The following RALGPS1 variants were observed in gnomAD, a reference collection of about 807,000 sequenced individuals.
The protein encoded by RALGPS1 is Ral GEF with PH domain and SH3 binding motif 1, also known as ras-specific guanine nucleotide-releasing factor RalGPS1.
In RALGPS1, 19 loss-of-function variants were observed where a neutral mutation model predicts 78.8. The ratio of observed to expected loss-of-function variants is 0.24; its 90% CI spans 0.17 to 0.35. The LOEUF (loss-of-function observed/expected upper bound fraction) is 0.35, where lower values mean the gene tolerates loss of function less well. Among genes scored for constraint, RALGPS1 ranks in the 10% least tolerant of loss-of-function variants. RALGPS1 has a pLI of 1.00. For synonymous variants in RALGPS1, 228 were observed against 256.3 expected (o/e 0.89, Z 1.06); for missense variants, 454 against 688.3 (o/e 0.66, Z 3.81).
Position 127,216,854 on chromosome 9 carries a change from AG to A in RALGPS1, c.1645-1883del, listed in dbSNP as rs370347106. ...TGTCTGGGGTCCCTCAGTAGCTCTG[AG>A]GGCCGCTCTCTTAAGAGCATAGCAC... On this transcript the variant is annotated intron_variant, in intron 18 of 18. Transcript: ENST00000259351. The A allele has an allele frequency of 4.0e-4, 582 of 1,441,924 alleles. 1 individual carries two copies. In the African/African-American group the frequency reaches 5.0e-3, roughly 12 times the overall value. 89.3% of individuals were successfully genotyped at this position (1,441,924 alleles called of 1,614,324 possible). A position where few individuals can be genotyped will look rare whatever the true frequency, so the allele number is the denominator to read the frequency against.
chr9:127,049,971 GA>G, intron 5 of RALGPS1, 71 bp from the exon 6 acceptor site: 2 of 1,100,598 alleles, frequency 1.8e-6, no homozygotes, highest in Non-Finnish European at 2.8e-6. Context: ...GGGCAAGGGG[GA>G]CACGGGTGGT....
intron 8 of RALGPS1, among the ~76,000 whole-genome samples, chr9:127,089,592 C>G (rs1264921238): frequency 6.6e-6 from 1 of 152,122 alleles, no homozygotes; most frequent in East Asian, 1.9e-4. Flanking sequence ...TGAGTTGAAA[C>G]TGTTGGATCA....
chr9:127,190,331 G>C (rs1234105356), intron 11 of RALGPS1, among the ~76,000 whole-genome samples: 2 of 152,098 alleles, frequency 1.3e-5, no homozygotes, highest in Non-Finnish European at 2.9e-5. Context: ...TTGTTTGTTT[G>C]TTTGTTTGTT....
intron 4 of RALGPS1, among the ~76,000 whole-genome samples, chr9:127,033,131 G>A (rs1293304355): frequency 1.3e-5 from 2 of 152,198 alleles, no homozygotes; most frequent in Non-Finnish European, 2.9e-5. Flanking sequence ...AGTTGTGAGG[G>A]TGTGAAGGAC....
chr9:127,158,492 C>A (rs750611327), intron 8 of RALGPS1, among the ~76,000 whole-genome samples: 8 of 152,114 alleles, frequency 5.3e-5, no homozygotes, highest in Non-Finnish European at 7.4e-5. Context: ...GAAATCATAT[C>A]CCCGCTCTCA....
intron 8 of RALGPS1, among the ~76,000 whole-genome samples, chr9:127,106,604 A>G (rs2054238887): frequency 1.3e-5 from 2 of 152,204 alleles, no homozygotes; most frequent in Admixed American, 6.5e-5. Context: ...TGGAAACCGG[A>G]TTTAAATCCA....
At chr9:127,112,621 T>A (rs528943636) in intron 8 of RALGPS1, among the ~76,000 whole-genome samples, 1 of 152,362 alleles carries the variant, frequency 6.6e-6, no homozygotes, top group South Asian at 2.1e-4. Context: ...GCCATTGCAC[T>A]TGAGACCTCA....
At chr9:126,999,162 TATAATAATA>T (rs377368618) in intron 4 of RALGPS1, among the ~76,000 whole-genome samples, 11 of 150,750 alleles carry the variant, frequency 7.3e-5, no homozygotes, top group Non-Finnish European at 1.3e-4. Context: ...AAACTTAAAG[TATAATAATA>T]ATAATAATAA....
At chr9:126,988,139 A>G (rs1275776056) in intron 4 of RALGPS1, among the ~76,000 whole-genome samples, 1 of 152,170 alleles carries the variant, frequency 6.6e-6, no homozygotes, top group Non-Finnish European at 1.5e-5. Flanking sequence ...TACAAGGACC[A>G]GTGGTGAGGT....
chr9:127,001,613 C>T (rs891210281), intron 4 of RALGPS1, among the ~76,000 whole-genome samples: 4 of 151,942 alleles, frequency 2.6e-5, no homozygotes, highest in Non-Finnish European at 4.4e-5. Flanking sequence ...GGGCTGGGCG[C>T]GGTGGCTCAC....
chr9:127,145,374 C>A (rs930915812), intron 8 of RALGPS1, among the ~76,000 whole-genome samples: 4 of 152,224 alleles, frequency 2.6e-5, no homozygotes, highest in Non-Finnish European at 5.9e-5. Flanking sequence ...ACCCTCCAGG[C>A]CCTGTGACGA....
At chr9:127,093,371 T>C (rs1205790703) in intron 8 of RALGPS1, among the ~76,000 whole-genome samples, 1 of 152,020 alleles carries the variant, frequency 6.6e-6, no homozygotes, top group Non-Finnish European at 1.5e-5. Context: ...TGAGAGCGGG[T>C]CTTTCCCCAT....
intron 4 of RALGPS1, among the ~76,000 whole-genome samples, chr9:126,988,512 T>C (rs1394514173): frequency 6.6e-6 from 1 of 152,170 alleles, no homozygotes; most frequent in East Asian, 1.9e-4. Context: ...GCTGAAGCAA[T>C]CCTCCCACCT....
chr9:126,959,365 A>G (rs1001329553), intron 1 of RALGPS1, among the ~76,000 whole-genome samples: 2 of 152,140 alleles, frequency 1.3e-5, no homozygotes, highest in Middle Eastern at 3.4e-3. Context: ...CCTGGCCCAT[A>G]TATCTTCTTT....
chr9:127,036,306 T>C (rs1052862922), intron 5 of RALGPS1, among the ~76,000 whole-genome samples: 20 of 152,260 alleles, frequency 1.3e-4, no homozygotes, highest in African/African-American at 4.8e-4. Flanking sequence ...TGGAGCTGCC[T>C]TCTTTGGGAT....
In RALGPS1 at chr9:126,987,569, C is replaced by T. The variant is rs555308258; in HGVS notation, c.216+9824C>T. Among the ~76,000 whole-genome samples, 5 of 152,220 alleles carry T rather than the reference C, an allele frequency of 3.3e-5. No individual in the cohort carries two copies. The East Asian group carries it at 7.7e-4, about 23-fold the overall frequency. Reference sequence around the variant, plus strand: ...AGAAGTCAGTGTTTCATTCCCTTGCCGACTGGCAGCTGGGGCATGGTGTAC... The same window carrying T: ...AGAAGTCAGTGTTTCATTCCCTTGCTGACTGGCAGCTGGGGCATGGTGTAC... On this transcript the variant is annotated intron_variant, in intron 4 of 18. Transcript: ENST00000259351.
At chr9:127,178,933 G>A (rs1006898189) in intron 11 of RALGPS1, among the ~76,000 whole-genome samples, 51 of 152,180 alleles carry the variant, frequency 3.4e-4, no homozygotes, top group Admixed American at 2.0e-3. Flanking sequence ...TGTCTGCTCC[G>A]CCAGACTGAA....
chr9:126,976,991 G>A (rs1465486069), intron 3 of RALGPS1, among the ~76,000 whole-genome samples: 1 of 152,226 alleles, frequency 6.6e-6, no homozygotes, highest in Non-Finnish European at 1.5e-5. Context: ...TAAGCCGGCT[G>A]TGGTGAAGGA....
At chr9:127,040,843 G>A (rs1332425200) in intron 5 of RALGPS1, among the ~76,000 whole-genome samples, 4 of 152,112 alleles carry the variant, frequency 2.6e-5, no homozygotes, top group Admixed American at 2.6e-4. Context: ...TTCACTTAGC[G>A]ATATGTAGTT....
Sources: allele counts gnomAD v4.1 joint callset (sites outside exome capture counted in the v4.1 genomes callset), GRCh38; gene constraint gnomAD v4.1.1; transcripts MANE v1.5; gene names NCBI Gene and HGNC (gene_info 2026-07-23, HGNC 2026-07-21).